AHR: variants seen among roughly 807,000 people sequenced by gnomAD.
AHR encodes the protein AH-receptor.
A neutral mutation model predicts 86.8 loss-of-function variants in AHR; 40 were observed. The observed-to-expected ratio is 0.46, with a 90% confidence interval of 0.36 to 0.60. The LOEUF (loss-of-function observed/expected upper bound fraction) is 0.60, where lower values mean the gene tolerates loss of function less well. Among genes scored for constraint, AHR ranks in the 20% least tolerant of loss-of-function variants. AHR has a pLI of 0.00. For missense variants in AHR, 1,001 were observed against 1,011.6 expected (o/e 0.99, Z 0.14); for synonymous variants, 398 against 354.9 (o/e 1.12, Z -1.37).
intron 1 of AHR, among the ~76,000 whole-genome samples, chr7:17,302,073 T>C (rs1296305934): frequency 3.9e-5 from 6 of 152,126 alleles, no homozygotes; most frequent in Admixed American, 3.9e-4. Flanking sequence ...TAGAATGTTT[T>C]TCCCTAGTGA....
rs1378450439 is a variant in AHR at position 17,340,105 on chromosome 7, T to C, written c.2280T>C (p.Thr760=). The part of the protein sequence containing the change: ...HGLNPQSAII[T]PQTCYAGAVS... ...TAAATCCACAGTCAGCCATAATAAC[T>C]CCTCAGACATGTTATGCTGGGGCCG... Residue 760 remains threonine (T), a synonymous_variant, in exon 10 of 11, where the codon ACT becomes ACC. Transcript: ENST00000242057. 1.2e-6 allele frequency: 2 copies of C among 1,614,074 alleles called. No homozygotes were observed. Among genetic ancestry groups the C allele is most frequent in the South Asian group, 2.2e-5 (2 of 91,082 alleles).
rs768514842 is a variant in AHR, at chr7:17,339,644, C to G, written c.1819C>G (p.Leu607Val). The part of the protein sequence containing the change: ...SDYQQQQSLA[L>V]NSSCMVQEHL... ...TTATCAACAGCAACAGTCCTTGGCTCTGAACTCAAGCTGTATGGTACAGGA... is the reference window on the plus strand; with the variant it reads ...TTATCAACAGCAACAGTCCTTGGCTGTGAACTCAAGCTGTATGGTACAGGA... Residue 607 changes from leucine (L) to valine (V), a missense_variant, in exon 10 of 11, where the codon CTG becomes GTG. This residue lies in a region of AHR where 607 missense variants were observed against 543.1 expected (regional missense o/e 1.12). Coordinates refer to ENST00000242057, the MANE Select transcript of AHR (RefSeq NM_001621.5). 1.9e-6 allele frequency: 3 copies of G among 1,613,958 alleles called. No individual in the cohort carries two copies. Among genetic ancestry groups the G allele is most frequent in the African/African-American group, 2.7e-5 (2 of 74,932 alleles).
rs1455759624 is a variant in AHR at position 17,344,238 on chromosome 7, A to T, written c.*1174A>T. On this transcript the variant is annotated 3_prime_UTR_variant, in exon 11 of 11. Transcript: ENST00000242057. ...ACAGTGGAAACTATGTGTTTTTCTCATATTTGAGGAGTGTTAAGATTGCAG... is the reference window on the plus strand; with the variant it reads ...ACAGTGGAAACTATGTGTTTTTCTCTTATTTGAGGAGTGTTAAGATTGCAG... The T allele has an allele frequency of 1.3e-5, 2 of 152,768 alleles. No homozygotes were observed. Among genetic ancestry groups the T allele is most frequent in the Non-Finnish European group, 2.9e-5 (2 of 68,032 alleles). 9.5% of individuals were successfully genotyped at this position (152,768 alleles called of 1,614,324 possible).
chr7:17,329,940 T>G lies in AHR; in HGVS notation c.451-12T>G. 1 of 1,594,952 alleles carries G rather than the reference T, an allele frequency of 6.3e-7. No homozygotes were observed. The highest frequency in any genetic ancestry group is 8.5e-7 in the Non-Finnish European group (1 of 1,172,368). On this transcript the variant is annotated splice_polypyrimidine_tract_variant and intron_variant, in intron 4 of 10. Transcript: ENST00000242057. ...GTCCTTTTGTTGTATTCCTTGTATC[T>G]TTTTTCTTTAGTCTGATGTCATACA...
At chr7:17,326,771 A>G (rs186730271) in intron 3 of AHR, among the ~76,000 whole-genome samples, 2 of 152,288 alleles carry the variant, frequency 1.3e-5, no homozygotes, top group African/African-American at 2.4e-5. Context: ...CTGTCTGACT[A>G]CACAGTACAA....
Position 17,339,789 on chromosome 7 carries a change from A to G in AHR, c.1964A>G (p.Asn655Ser). 6.2e-7 allele frequency: 1 copy of G among 1,614,108 alleles called. No homozygotes were observed. The highest frequency in any genetic ancestry group is 8.5e-7 in the Non-Finnish European group (1 of 1,180,036). Residue 655 changes from asparagine (N) to serine (S), a missense_variant, in exon 10 of 11, where the codon AAC becomes AGC. Physicochemically the swap from Asn to Ser is conservative, Grantham distance 46. Around this residue, in one of 2 missense-constraint regions of AHR, gnomAD observed 607 missense variants for 543.1 expected, o/e 1.12. Coordinates refer to ENST00000242057, the MANE Select transcript of AHR (RefSeq NM_001621.5). ...MQVNGMFENW[N>S]SNQFVPFNCP... ...GTTAATGGCATGTTTGAAAATTGGA[A>G]CTCTAACCAATTCGTGCCTTTCAAT...
intron 2 of AHR, among the ~76,000 whole-genome samples, chr7:17,310,722 G>C (rs1782055913): frequency 6.6e-6 from 1 of 151,962 alleles, no homozygotes; most frequent in African/African-American, 2.4e-5. Context: ...TTTTATTAGA[G>C]ATGGGGTTTC....
Position 17,333,916 on chromosome 7 carries a change from T to C in AHR, c.710T>C (p.Met237Thr). ...LLDNSSGFLAMNFQGKLKYLH... is the reference protein window; with the variant it reads ...LLDNSSGFLATNFQGKLKYLH... ...TGTTGTTGTTGCTTTTTTAAGGCAATGAATTTCCAAGGGAAGTTAAAGTAT... is the reference window on the plus strand; with the variant it reads ...TGTTGTTGTTGCTTTTTTAAGGCAACGAATTTCCAAGGGAAGTTAAAGTAT... Residue 237 changes from methionine (M) to threonine (T), a missense_variant, in exon 7 of 11, where the codon ATG becomes ACG. This residue lies in a region of AHR where 394 missense variants were observed against 468.5 expected (regional missense o/e 0.84). Transcript: ENST00000242057. The C allele has an allele frequency of 6.2e-7, 1 of 1,612,370 alleles. No homozygotes were observed. The highest frequency in any genetic ancestry group is 1.1e-5 in the South Asian group (1 of 90,894).
intron 1 of AHR, among the ~76,000 whole-genome samples, chr7:17,301,114 C>T (rs996446971): frequency 6.6e-5 from 10 of 151,736 alleles, no homozygotes; most frequent in Non-Finnish European, 1.5e-4. Context: ...TTCCATTCAC[C>T]CACATTTTGT....
chr7:17,306,377 T>C (rs1160833237), intron 1 of AHR, among the ~76,000 whole-genome samples: 3 of 152,210 alleles, frequency 2.0e-5, no homozygotes, highest in East Asian at 3.8e-4. Context: ...TGCATTACCT[T>C]TGTTAGCTTT....
chr7:17,310,867 G>A (rs1438421694), intron 2 of AHR, among the ~76,000 whole-genome samples: 4 of 152,044 alleles, frequency 2.6e-5, no homozygotes, highest in African/African-American at 4.8e-5. Flanking sequence ...ATTGTATACC[G>A]ACTGCAAGAA....
intron 1 of AHR, among the ~76,000 whole-genome samples, chr7:17,307,865 C>T (rs1026714305): frequency 2.0e-5 from 3 of 152,100 alleles, no homozygotes; most frequent in African/African-American, 7.2e-5. Flanking sequence ...TCTATCGTTA[C>T]TTTGCTGTCT....
rs1271761914 is a variant in AHR at position 17,306,406 on chromosome 7, A to C, written c.66-3530A>C. Among the ~76,000 whole-genome samples, 5 of 152,158 alleles carry C rather than the reference A, an allele frequency of 3.3e-5. No individual in the cohort carries two copies. The East Asian group carries it at 9.6e-4, about 29-fold the overall frequency. On this transcript the variant is annotated intron_variant, in intron 1 of 10. Coordinates refer to ENST00000242057, the MANE Select transcript of AHR (RefSeq NM_001621.5). ...TAGCTTTAACAATCTGACATTTTAAAAGCTTCAAATCCAGTACATCTGAAT... is the reference window on the plus strand; with the variant it reads ...TAGCTTTAACAATCTGACATTTTAACAGCTTCAAATCCAGTACATCTGAAT...
chr7:17,341,821 T>G (rs1372286447), intron 10 of AHR, among the ~76,000 whole-genome samples: 1 of 152,140 alleles, frequency 6.6e-6, no homozygotes, highest in Non-Finnish European at 1.5e-5. Flanking sequence ...AGCCAAAAAT[T>G]TAAGTTCTGT....
At chr7:17,299,838 A>G (rs925654417) in intron 1 of AHR, among the ~76,000 whole-genome samples, 7 of 152,226 alleles carry the variant, frequency 4.6e-5, no homozygotes, top group Admixed American at 1.3e-4. Context: ...TTTGGTCCCC[A>G]CCAACTGGCT....
rs1429677347 is a variant in AHR at position 17,344,573 on chromosome 7, T to C, written c.*1509T>C. ...TTACCAATAGGCAAATTAATCACCC[T>C]ACCAACTTTACTGTCCTAACATGGT... On this transcript the variant is annotated 3_prime_UTR_variant, in exon 11 of 11. Coordinates refer to ENST00000242057, the MANE Select transcript of AHR (RefSeq NM_001621.5). 6.6e-6 allele frequency: 1 copy of C among 152,096 alleles called. No homozygotes were observed. The highest frequency in any genetic ancestry group is 2.4e-5 in the African/African-American group (1 of 41,322). The allele number at this position is 152,096 out of a possible 1,614,324, so 9.4% of individuals were successfully genotyped here.
At chr7:17,321,125 CAG>C (rs905397425) in intron 2 of AHR, among the ~76,000 whole-genome samples, 6 of 151,982 alleles carry the variant, frequency 3.9e-5, no homozygotes, top group Non-Finnish European at 4.4e-5. Flanking sequence ...AGAGGACTGC[CAG>C]AGTCAGTTTT....
chr7:17,316,405 A>C (rs563143440), intron 2 of AHR, among the ~76,000 whole-genome samples: 1 of 152,256 alleles, frequency 6.6e-6, no homozygotes, highest in South Asian at 2.1e-4. Context: ...GACTGCTTGA[A>C]AGCAGGAGTT....
Position 17,339,506 on chromosome 7 carries a change from T to A in AHR, c.1681T>A (p.Phe561Ile), listed in dbSNP as rs1362956745. The change falls in exon 10 of 11, where the codon TTT becomes ATT. Residue 561 changes from phenylalanine to isoleucine, a missense_variant. By Grantham distance (21) the Phe-to-Ile change is conservative (BLOSUM62 0). Transcript: ENST00000242057. Reference sequence around the variant, plus strand: ...CATCAGACACATGCAGAATGAAAAATTTTTCAGAAATGATTTTTCTGGTGA... The same window carrying A: ...CATCAGACACATGCAGAATGAAAAAATTTTCAGAAATGATTTTTCTGGTGA... ...EDIRHMQNEKFFRNDFSGEVD... is the reference protein window; with the variant it reads ...EDIRHMQNEKIFRNDFSGEVD... 1.2e-6 allele frequency: 2 copies of A among 1,613,720 alleles called. No homozygotes were observed. Among genetic ancestry groups the A allele is most frequent in the Non-Finnish European group, 8.5e-7 (1 of 1,179,960 alleles).
Sources: allele counts gnomAD v4.1 joint callset (sites outside exome capture counted in the v4.1 genomes callset), GRCh38; gene constraint gnomAD v4.1.1; regional missense constraint gnomAD v4.1.1; transcripts MANE v1.5; gene names NCBI Gene and HGNC (gene_info 2026-07-23, HGNC 2026-07-21).